The following FEZ1 variants were observed in gnomAD, a reference collection of about 807,000 sequenced individuals.
FEZ1 encodes fasciculation and elongation protein zeta 1, also known as fasciculation and elongation protein zeta-1.
FEZ1 carries 20 observed loss-of-function variants against 49.3 expected under a neutral mutation model. The observed-to-expected ratio is 0.41, with a 90% CI of 0.29 to 0.59. The LOEUF is 0.59. FEZ1 is among the 20% of genes least tolerant of loss of function. FEZ1 has a pLI of 0.36. For synonymous variants in FEZ1, 170 were observed against 180.9 expected (o/e 0.94, Z 0.48); for missense variants, 413 against 476.0 (o/e 0.87, Z 1.23).
chr11:125,485,562 TTGCTGGTGTGCAGTCA>T (rs1957319417), intron 2 of FEZ1, among the ~76,000 whole-genome samples: 1 of 152,236 alleles, frequency 6.6e-6, no homozygotes, highest in Non-Finnish European at 1.5e-5. Flanking sequence ...GTCTAGTGTT[TTGCTGGTGTGCAGTCA>T]TGCCAATATC....
At chr11:125,488,298 C>A (rs1235156790) in intron 2 of FEZ1, among the ~76,000 whole-genome samples, 1 of 152,206 alleles carries the variant, frequency 6.6e-6, no homozygotes, top group Non-Finnish European at 1.5e-5. Context: ...ATAAACTGAA[C>A]TTTATCATAT....
At chr11:125,452,223 C>A in intron 8 of FEZ1, 111 bp downstream of exon 8, 1 of 744,060 alleles carries the variant, frequency 1.3e-6, no homozygotes, top group Non-Finnish European at 2.4e-6. Flanking sequence ...GTATTTTGGC[C>A]CATGTAAACC....
intron 9 of FEZ1, among the ~76,000 whole-genome samples, chr11:125,446,586 A>G (rs1481433657): frequency 2.6e-5 from 4 of 152,200 alleles, no homozygotes; most frequent in Non-Finnish European, 5.9e-5. Flanking sequence ...CCTTTGAGAA[A>G]TGTGCTGCTC....
rs1565529171 is a variant in FEZ1 at position 125,446,240 on chromosome 11, C to G, written c.1163-129G>C. 2.0e-5 allele frequency: 16 copies of G among 814,770 alleles called. No homozygotes were observed. In the East Asian group the frequency reaches 4.0e-4, roughly 20 times the overall value. 50.5% of individuals were successfully genotyped at this position (814,770 alleles called of 1,614,324 possible). A position where few individuals can be genotyped will look rare whatever the true frequency, so the allele number is the denominator to read the frequency against. ...AGTGGTGACAGCCCCCACTTAGTGC[C>G]TAGAATAAGGGAGAGACAATGGCAG... On this transcript the variant is annotated intron_variant, in intron 9 of 9. Coordinates refer to ENST00000278919, the MANE Select transcript of FEZ1 (RefSeq NM_005103.5).
At position 125,443,576 on chromosome 11, in the gene FEZ1, A is replaced by G. The variant is rs1337056520; in HGVS notation, c.*2519T>C. ...TAAAGGGAGACCTTGTTAAAATGCA[A>G]ATTCTGACTTAGTAGGCCTGATGTG... On this transcript the variant is annotated 3_prime_UTR_variant, in exon 10 of 10. Transcript: ENST00000278919. Among the ~76,000 whole-genome samples, 2 of 152,164 alleles carry G rather than the reference A, an allele frequency of 1.3e-5. No individual in the cohort carries two copies. The highest frequency in any genetic ancestry group is 2.9e-5 in the Non-Finnish European group (2 of 68,012).
chr11:125,481,466 T>A (rs181032805), intron 3 of FEZ1, 68 bp downstream of exon 3: 96 of 900,180 alleles, frequency 1.1e-4, no homozygotes, highest in Non-Finnish European at 1.7e-4. Flanking sequence ...ACTGTTGAGT[T>A]ACTGAATGTT....
intron 3 of FEZ1, among the ~76,000 whole-genome samples, chr11:125,476,828 T>C (rs1286653868): frequency 1.3e-5 from 2 of 152,216 alleles, no homozygotes; most frequent in African/African-American, 4.8e-5. Flanking sequence ...CTGTACTCCT[T>C]TCTCAAAAAT....
chr11:125,483,608 C>A (rs1417254648), intron 2 of FEZ1, among the ~76,000 whole-genome samples: 6 of 152,234 alleles, frequency 3.9e-5, no homozygotes, highest in Non-Finnish European at 8.8e-5. Flanking sequence ...AGGCACCACA[C>A]CCGCTGGAAA....
chr11:125,486,401 C>A (rs1957327191), intron 2 of FEZ1, among the ~76,000 whole-genome samples: 1 of 152,112 alleles, frequency 6.6e-6, no homozygotes, highest in South Asian at 2.1e-4. Flanking sequence ...CACATATACA[C>A]AAAGAAGAGA....
intron 3 of FEZ1, among the ~76,000 whole-genome samples, chr11:125,478,246 C>T (rs1478406736): frequency 2.6e-5 from 4 of 152,104 alleles, no homozygotes; most frequent in Non-Finnish European, 5.9e-5. Context: ...AGTTCAAGAC[C>T]AGCCTGGGCA....
intron 3 of FEZ1, among the ~76,000 whole-genome samples, chr11:125,471,684 C>A (rs1017552035): frequency 7.2e-5 from 11 of 152,014 alleles, no homozygotes; most frequent in African/African-American, 2.7e-4. Context: ...TTTTAATAAA[C>A]CTTTCTCATT....
intron 2 of FEZ1, 106 bp from the exon 3 acceptor site, chr11:125,481,739 G>A (rs919563519): frequency 1.2e-6 from 1 of 809,012 alleles, no homozygotes; most frequent in Non-Finnish European, 2.2e-6. Flanking sequence ...TGTGTGCCAG[G>A]CTGAGATCAT....
intron 3 of FEZ1, among the ~76,000 whole-genome samples, chr11:125,479,755 T>C (rs1421070345): frequency 6.6e-6 from 1 of 152,164 alleles, no homozygotes; most frequent in Non-Finnish European, 1.5e-5. Context: ...CCTCACCAGA[T>C]ATTGAATCTG....
chr11:125,479,277 T>G (rs1016068640), intron 3 of FEZ1, among the ~76,000 whole-genome samples: 1 of 152,246 alleles, frequency 6.6e-6, no homozygotes, highest in Admixed American at 6.5e-5. Flanking sequence ...CTGTGCTATT[T>G]TGAGCAATAA....
intron 3 of FEZ1, among the ~76,000 whole-genome samples, chr11:125,469,445 G>A (rs969569775): frequency 6.6e-6 from 1 of 152,112 alleles, no homozygotes; most frequent in African/African-American, 2.4e-5. Flanking sequence ...TTTTTGTAGA[G>A]ATGGGGAACT....
Position 125,494,687 on chromosome 11 carries a change from G to A in FEZ1, c.-46+1434C>T, listed in dbSNP as rs572940347. On this transcript the variant is annotated intron_variant, in intron 1 of 9. Coordinates refer to ENST00000278919, the MANE Select transcript of FEZ1 (RefSeq NM_005103.5). ...CATTTATTTTCACTCCCAATAGATG[G>A]TGTAATTTGGAAAAGAAAAGACACT... Among the ~76,000 whole-genome samples the A allele has an allele frequency of 3.3e-5, 5 of 152,154 alleles. No individual in the cohort carries two copies. The South Asian group carries it at 1.0e-3, about 32-fold the overall frequency.
At chr11:125,467,949 T>C (rs1490401124) in intron 3 of FEZ1, among the ~76,000 whole-genome samples, 1 of 152,172 alleles carries the variant, frequency 6.6e-6, no homozygotes, top group Non-Finnish European at 1.5e-5. Flanking sequence ...AGACTGTGTT[T>C]TACATCACAG....
At chr11:125,448,943 G>A (rs963907347) in intron 8 of FEZ1, among the ~76,000 whole-genome samples, 4 of 152,130 alleles carry the variant, frequency 2.6e-5, no homozygotes, top group Admixed American at 1.3e-4. Flanking sequence ...GAGGCATCAC[G>A]CAATATGCCC....
chr11:125,457,424 AAAAAAATAT>A (rs1331143451), intron 5 of FEZ1, among the ~76,000 whole-genome samples: 302 of 40,436 alleles, frequency 7.5e-3, no homozygotes, highest in Admixed American at 0.013. Flanking sequence ...AAAAAAAAAA[AAAAAAATAT>A]ATATATATAT....
Sources: gnomAD v4.1 joint callset for allele counts (sites outside exome capture counted in the v4.1 genomes callset) on GRCh38, gnomAD v4.1.1 for gene constraint, MANE v1.5 for transcripts, NCBI Gene and HGNC (gene_info 2026-07-23, HGNC 2026-07-21) for gene names.